XKR6: variants seen among roughly 807,000 people sequenced by gnomAD.
XKR6 encodes the protein XK-related protein 6.
Under a neutral mutation model 56.7 loss-of-function variants are expected in XKR6, and 22 were observed. The ratio of observed to expected loss-of-function variants is 0.39; its 90% CI spans 0.28 to 0.55. The LOEUF is 0.55. XKR6 is among the 20% of genes least tolerant of loss of function. The pLI is 0.66. For missense variants in XKR6, 852 were observed against 889.0 expected, an observed-to-expected ratio of 0.96 and a Z score of 0.53; for synonymous variants, 524 against 387.8, an observed-to-expected ratio of 1.35 and a Z score of -4.13.
intron 1 of XKR6, among the ~76,000 whole-genome samples, chr8:11,101,106 G>C (rs181498389): frequency 1.3e-5 from 2 of 152,330 alleles, no homozygotes; most frequent in East Asian, 3.9e-4. Flanking sequence ...GGTAGTATTT[G>C]CAGTACAGAA....
At chr8:11,132,209 G>C (rs544691322) in intron 1 of XKR6, among the ~76,000 whole-genome samples, 1 of 152,196 alleles carries the variant, frequency 6.6e-6, no homozygotes, top group Non-Finnish European at 1.5e-5. Context: ...GTAATCAGTT[G>C]TCTTTGAGAC....
chr8:10,920,281 A>G (rs1339958523), intron 2 of XKR6, among the ~76,000 whole-genome samples: 1 of 152,228 alleles, frequency 6.6e-6, no homozygotes, highest in Non-Finnish European at 1.5e-5. Context: ...CACTACAACC[A>G]CCAAGAAAAC....
chr8:11,195,667 G>C (rs1375033280), intron 1 of XKR6, among the ~76,000 whole-genome samples: 1 of 90,172 alleles, frequency 1.1e-5, no homozygotes, highest in Non-Finnish European at 2.2e-5. Context: ...TTTTTTTTTT[G>C]AGATGGAGTC....
At chr8:11,065,850 A>G (rs1563114064) in intron 1 of XKR6, among the ~76,000 whole-genome samples, 1 of 152,198 alleles carries the variant, frequency 6.6e-6, no homozygotes. Context: ...GTTTTTCCCT[A>G]GCAACTGAGC....
rs140098650 is a variant in XKR6 at position 11,190,113 on chromosome 8, C to T, written c.764+10463G>A. On this transcript the variant is annotated intron_variant, in intron 1 of 2. Transcript: ENST00000416569. ...CAGAGGTTGCAGTGAGCCGAGATCG[C>T]GCCACCGCACTCCAGCCTGGGCAAC... Among the ~76,000 whole-genome samples, 24 of 149,840 alleles carry T rather than the reference C, an allele frequency of 1.6e-4. No individual in the cohort carries two copies. The East Asian group carries it at 2.4e-3, about 15-fold the overall frequency.
intron 1 of XKR6, among the ~76,000 whole-genome samples, chr8:10,975,220 C>A (rs983774221): frequency 6.6e-6 from 1 of 152,208 alleles, no homozygotes; most frequent in African/African-American, 2.4e-5. Flanking sequence ...AGCCAACGAT[C>A]CCTTGGCTGC....
At chr8:10,961,116 G>T (rs974395894) in intron 1 of XKR6, among the ~76,000 whole-genome samples, 2 of 152,198 alleles carry the variant, frequency 1.3e-5, no homozygotes, top group African/African-American at 4.8e-5. Flanking sequence ...GAGGCAGAGA[G>T]AGGGTGGAGG....
chr8:11,025,472 A>G (rs1798840124), intron 1 of XKR6, among the ~76,000 whole-genome samples: 1 of 152,126 alleles, frequency 6.6e-6, no homozygotes, highest in African/African-American at 2.4e-5. Flanking sequence ...TGCCAATGGG[A>G]TAGAGGAAGC....
At position 11,200,726 on chromosome 8, in the gene XKR6, G is replaced by C. The variant is rs1042343137; in HGVS notation, c.614C>G (p.Pro205Arg). Reference sequence around the variant, plus strand: ...GTGGACGTAGCCGGCCCCCATCATGGGGGGGCCCCGGCTGGTGAGCCCCTC... The same window carrying C: ...GTGGACGTAGCCGGCCCCCATCATGCGGGGGCCCCGGCTGGTGAGCCCCTC... ...AVEGLTSRGP[P>R]MMGAGYVHGA... Residue 205 changes from proline (P) to arginine (R), a missense_variant, in exon 1 of 3, where the codon CCC becomes CGC. By Grantham distance (103) the Pro-to-Arg change is moderately radical. Transcript: ENST00000416569. The surrounding 1 kb of genome is among the most constrained non-coding windows in gnomAD (Gnocchi z 6.4). 1.3e-6 allele frequency: 2 copies of C among 1,590,204 alleles called. No homozygotes were observed. The highest frequency in any genetic ancestry group is 1.8e-5 in the Admixed American group (1 of 56,730).
intron 2 of XKR6, among the ~76,000 whole-genome samples, chr8:10,908,608 T>C (rs1158110342): frequency 6.6e-6 from 1 of 152,144 alleles, no homozygotes; most frequent in Non-Finnish European, 1.5e-5. Context: ...AATGTCACCT[T>C]CTCACCAAGA....
chr8:10,982,270 T>C (rs898973386), intron 1 of XKR6, among the ~76,000 whole-genome samples: 1 of 152,206 alleles, frequency 6.6e-6, no homozygotes, highest in African/African-American at 2.4e-5. Flanking sequence ...GAAAATCATT[T>C]CCAAGAAAGC....
chr8:11,140,412 C>T lies in XKR6; in HGVS notation c.764+60164G>A, dbSNP rs1800632872. Among the ~76,000 whole-genome samples the T allele has an allele frequency of 2.6e-5, 4 of 152,140 alleles. No individual in the cohort carries two copies. In the South Asian group the frequency reaches 8.3e-4, roughly 32 times the overall value. ...CCTTTGGGTATCGAGGCAAAAAGACCACATGACTTACAGAGGGAAATATCA... is the reference window on the plus strand; with the variant it reads ...CCTTTGGGTATCGAGGCAAAAAGACTACATGACTTACAGAGGGAAATATCA... On this transcript the variant is annotated intron_variant, in intron 1 of 2. Transcript: ENST00000416569.
intron 1 of XKR6, among the ~76,000 whole-genome samples, chr8:10,978,811 C>T (rs1436105926): frequency 1.3e-5 from 2 of 152,200 alleles, no homozygotes; most frequent in African/African-American, 4.8e-5. Context: ...CGGCCTTGTC[C>T]CATGTCATTC....
At chr8:11,028,430 G>A (rs993381226) in intron 1 of XKR6, among the ~76,000 whole-genome samples, 2 of 152,186 alleles carry the variant, frequency 1.3e-5, no homozygotes, top group African/African-American at 2.4e-5. Flanking sequence ...GCAGATTTTT[G>A]TGGACATAAT....
chr8:11,105,098 G>A (rs547276225), intron 1 of XKR6: 4 of 152,256 alleles, frequency 2.6e-5, no homozygotes, highest in Non-Finnish European at 5.9e-5. Context: ...TGTCCTGTGA[G>A]TTATGGGTTA....
At chr8:11,100,537 G>C (rs1798431625) in intron 1 of XKR6, among the ~76,000 whole-genome samples, 1 of 152,202 alleles carries the variant, frequency 6.6e-6, no homozygotes, top group South Asian at 2.1e-4. Flanking sequence ...GGCACGGATA[G>C]AAGGCCACCA....
At chr8:11,096,931 C>G (rs968877153) in intron 1 of XKR6, among the ~76,000 whole-genome samples, 1 of 152,242 alleles carries the variant, frequency 6.6e-6, no homozygotes, top group Non-Finnish European at 1.5e-5. Flanking sequence ...ATGGCAGATT[C>G]TGAGAGATTT....
chr8:10,912,745 G>T (rs7834121), intron 2 of XKR6, among the ~76,000 whole-genome samples: 69,390 of 144,478 alleles, frequency 0.48, 17,864 homozygotes, highest in African/African-American at 0.62. Flanking sequence ...CACATATATA[G>T]AGAGAGAGAG....
chr8:11,099,272 G>A (rs1003796717), intron 1 of XKR6, among the ~76,000 whole-genome samples: 3 of 152,226 alleles, frequency 2.0e-5, no homozygotes, highest in Non-Finnish European at 4.4e-5. Context: ...CTGTCCAGCT[G>A]ACTTTTGTCA....
Sources: allele counts gnomAD v4.1 joint callset (sites outside exome capture counted in the v4.1 genomes callset), GRCh38; gene constraint gnomAD v4.1.1; non-coding constraint Gnocchi (gnomAD v3.1); transcripts MANE v1.5; gene names NCBI Gene and HGNC (gene_info 2026-07-23, HGNC 2026-07-21).